The following NR2F1-AS1 variants were observed in gnomAD, a reference collection of about 807,000 sequenced individuals.
The protein encoded by NR2F1-AS1 is NR2F1 regulatory antisense RNA 1.
At chr5:93,585,589 T>C, upstream of NR2F1-AS1, 2 of 925,198 alleles carry the variant, frequency 2.2e-6, no homozygotes, top group South Asian at 3.2e-5. Context: ...GGGGCTCCTG[T>C]GGTCCCGGCC....
At chr5:93,582,949 G>C (rs79453671), upstream of NR2F1-AS1, among the ~76,000 whole-genome samples, 8 of 120,916 alleles carry the variant, frequency 6.6e-5, no homozygotes, top group South Asian at 1.6e-3. Context: ...GTAGCTAAGC[G>C]GGGGGGGGAG....
At chr5:93,501,319 T>TTTGTTG (rs138163412) in intron 4 of NR2F1-AS1, among the ~76,000 whole-genome samples, 4 of 141,504 alleles carry the variant, frequency 2.8e-5, no homozygotes, top group South Asian at 2.2e-4. Flanking sequence ...TAGTAAGGTT[T>TTTGTTG]TTGTTGTTGT....
intron 4 of NR2F1-AS1, chr5:93,410,487 C>G (rs1748831177): frequency 6.6e-6 from 1 of 152,452 alleles, no homozygotes; most frequent in Non-Finnish European, 1.5e-5. Context: ...CCTGTCAGAT[C>G]AGTGGCAGCC....
chr5:93,435,620 G>A (rs979582871), intron 4 of NR2F1-AS1, among the ~76,000 whole-genome samples: 1 of 152,102 alleles, frequency 6.6e-6, no homozygotes, highest in Non-Finnish European at 1.5e-5. Flanking sequence ...GTAGGGCTTG[G>A]CACCCACCAT....
intron 4 of NR2F1-AS1, among the ~76,000 whole-genome samples, chr5:93,452,503 T>C (rs1021699923): frequency 1.3e-5 from 2 of 152,072 alleles, no homozygotes; most frequent in Non-Finnish European, 1.5e-5. Context: ...CTAGAATTTG[T>C]GGAGATTATC....
intron 4 of NR2F1-AS1, among the ~76,000 whole-genome samples, chr5:93,549,759 A>G (rs1213499109): frequency 6.6e-6 from 1 of 152,098 alleles, no homozygotes. Context: ...ATTTTCACAT[A>G]TACACCATGG....
chr5:93,483,986 GCAAGTGATGAGGAGAATGGAAC>G (rs1278439751), intron 4 of NR2F1-AS1, among the ~76,000 whole-genome samples: 1 of 152,194 alleles, frequency 6.6e-6, no homozygotes, highest in Non-Finnish European at 1.5e-5. Context: ...TGGTGTACCT[GCAAGTGATGAGGAGAATGGAAC>G]CAAGTTGGAA....
At chr5:93,557,382 C>T (rs570633434) in intron 2 of NR2F1-AS1, among the ~76,000 whole-genome samples, 177 of 152,250 alleles carry the variant, frequency 1.2e-3, no homozygotes, top group Non-Finnish European at 2.2e-3. Context: ...TAGTTACAGG[C>T]ATATCTTGAA....
intron 4 of NR2F1-AS1, among the ~76,000 whole-genome samples, chr5:93,513,857 C>T (rs1751349633): frequency 6.6e-6 from 1 of 152,026 alleles, no homozygotes; most frequent in Non-Finnish European, 1.5e-5. Context: ...AGCTTCCCAA[C>T]ATTAATAAGG....
intron 4 of NR2F1-AS1, among the ~76,000 whole-genome samples, chr5:93,520,925 G>C (rs1414522438): frequency 6.6e-6 from 1 of 151,508 alleles, no homozygotes; most frequent in Non-Finnish European, 1.5e-5. Context: ...TCAATAAACA[G>C]ATGAGATAAT....
At chr5:93,583,440 C>T (rs1049658338), upstream of NR2F1-AS1, 15 of 151,322 alleles carry the variant, frequency 9.9e-5, no homozygotes, top group African/African-American at 3.7e-4. Flanking sequence ...TTGTTTTCCC[C>T]TTCTTCTTCT....
At chr5:93,546,541 C>G (rs1246136667) in intron 4 of NR2F1-AS1, among the ~76,000 whole-genome samples, 1 of 152,142 alleles carries the variant, frequency 6.6e-6, no homozygotes, top group Admixed American at 6.6e-5. Context: ...AATCAGTAAA[C>G]TACAAAAGAA....
intron 4 of NR2F1-AS1, among the ~76,000 whole-genome samples, chr5:93,483,316 C>T (rs1404311487): frequency 6.6e-6 from 1 of 152,156 alleles, no homozygotes; most frequent in Non-Finnish European, 1.5e-5. Flanking sequence ...GGGTCTGAAG[C>T]AGACCTCCAA....
chr5:93,462,503 G>C (rs1750118227), intron 4 of NR2F1-AS1, among the ~76,000 whole-genome samples: 1 of 152,164 alleles, frequency 6.6e-6, no homozygotes, highest in East Asian at 1.9e-4. Flanking sequence ...TGTACCAGTA[G>C]AGTGGGGTGC....
chr5:93,494,704 AAC>A (rs1404830226), intron 4 of NR2F1-AS1, among the ~76,000 whole-genome samples: 1 of 152,200 alleles, frequency 6.6e-6, no homozygotes, highest in Non-Finnish European at 1.5e-5. Context: ...TGCTGTGGAA[AAC>A]AGTTTGGCTG....
At chr5:93,545,165 C>T (rs1362242856) in intron 4 of NR2F1-AS1, among the ~76,000 whole-genome samples, 5 of 152,084 alleles carry the variant, frequency 3.3e-5, no homozygotes, top group Admixed American at 1.3e-4. Flanking sequence ...TGGGTTACAC[C>T]GTTTAATAAC....
At chr5:93,446,208 A>G (rs1161392861) in intron 4 of NR2F1-AS1, among the ~76,000 whole-genome samples, 2 of 152,192 alleles carry the variant, frequency 1.3e-5, no homozygotes, top group African/African-American at 2.4e-5. Flanking sequence ...CATGGCAATC[A>G]GGGAGGAGGA....
At chr5:93,516,522 C>T (rs1751404127) in intron 4 of NR2F1-AS1, among the ~76,000 whole-genome samples, 2 of 151,862 alleles carry the variant, frequency 1.3e-5, no homozygotes. Flanking sequence ...TTACAAGGCA[C>T]TTCCACATAA....
intron 4 of NR2F1-AS1, among the ~76,000 whole-genome samples, chr5:93,486,689 C>T (rs1245010296): frequency 6.6e-6 from 1 of 152,180 alleles, no homozygotes; most frequent in Non-Finnish European, 1.5e-5. Context: ...TGGTACTATT[C>T]CTTCTGAAAG....
Sources: gnomAD v4.1 joint callset for allele counts (sites outside exome capture counted in the v4.1 genomes callset) on GRCh38, gnomAD v4.1.1 for gene constraint, MANE v1.5 for transcripts, NCBI Gene and HGNC (gene_info 2026-07-23, HGNC 2026-07-21) for gene names.